Variants in SORL1 observed in about 807,000 individuals in gnomAD.
SORL1 encodes sortilin-related receptor.
SORL1 carries 127 observed loss-of-function variants against 273.7 expected under a neutral mutation model. The observed-to-expected ratio is 0.46, with a 90% CI of 0.40 to 0.54. SORL1 has a LOEUF of 0.54. SORL1 is among the 20% of genes least tolerant of loss of function. SORL1 has a pLI of 0.00. For synonymous variants in SORL1, 1,031 were observed against 1,067.4 expected, an observed-to-expected ratio of 0.97 and a Z score of 0.66; for missense variants, 2,494 against 2,846.1, an observed-to-expected ratio of 0.88 and a Z score of 2.81.
In SORL1 at chr11:121,627,281, C is replaced by G; in HGVS notation, c.6365-274C>G. The G allele has an allele frequency of 2.2e-6, 1 of 448,866 alleles. No homozygotes were observed. The highest frequency in any genetic ancestry group is 4.0e-6 in the Non-Finnish European group (1 of 248,972). 27.8% of individuals were successfully genotyped at this position (448,866 alleles called of 1,614,324 possible). On this transcript the variant is annotated intron_variant, in intron 46 of 47. Coordinates refer to ENST00000260197, the MANE Select transcript of SORL1 (RefSeq NM_003105.6). This position sits in a 1 kb window ranked among gnomAD's most constrained non-coding sequence, Gnocchi z 4.9. The stretch of plus-strand genomic sequence containing the variant: ...GATACCCCAACAAAGGTCTCCCTTC[C>G]AAGAGATTATCTAAATAACCAACAA...
At chr11:121,514,758 C>A (rs147835789) in intron 8 of SORL1, among the ~76,000 whole-genome samples, 11 of 152,186 alleles carry the variant, frequency 7.2e-5, no homozygotes, top group Admixed American at 3.3e-4. Flanking sequence ...GATAATCGGA[C>A]GGTGTTTTGT....
intron 27 of SORL1, among the ~76,000 whole-genome samples, chr11:121,587,482 A>C (rs1322529412): frequency 6.6e-6 from 1 of 152,132 alleles, no homozygotes; most frequent in Non-Finnish European, 1.5e-5. Flanking sequence ...AATTCTTTTG[A>C]GTTTAGGCCC....
At chr11:121,598,757 A>C (rs986963483) in intron 32 of SORL1, among the ~76,000 whole-genome samples, 5 of 152,190 alleles carry the variant, frequency 3.3e-5, no homozygotes, top group Admixed American at 1.3e-4. Flanking sequence ...CCTTAACTTG[A>C]AATATGAAAC....
At chr11:121,576,983 A>AAAT (rs1315503446) in intron 24 of SORL1, 1 of 1,484,372 alleles carries the variant, frequency 6.7e-7, no homozygotes, top group Non-Finnish European at 9.1e-7. Context: ...CAAGCATAGA[A>AAAT]AATAATATAT....
At chr11:121,599,692 G>C (rs1390336912) in intron 32 of SORL1, among the ~76,000 whole-genome samples, 1 of 151,778 alleles carries the variant, frequency 6.6e-6, no homozygotes, top group East Asian at 1.9e-4. Context: ...CAAAGTTAAT[G>C]CAAGTTTGCA....
At chr11:121,507,937 G>A (rs1257910110) in intron 6 of SORL1, among the ~76,000 whole-genome samples, 2 of 152,076 alleles carry the variant, frequency 1.3e-5, no homozygotes, top group African/African-American at 4.8e-5. Context: ...TGTTGTTGCT[G>A]TTTGTTGTTG....
chr11:121,526,980 C>G (rs2134864810), intron 11 of SORL1, among the ~76,000 whole-genome samples: 1 of 151,942 alleles, frequency 6.6e-6, no homozygotes, highest in East Asian at 1.9e-4. Context: ...TCTTTCCCTC[C>G]TTTCCTCCAT....
At chr11:121,610,321 G>C (rs1863543694) in intron 38 of SORL1, 1 of 152,232 alleles carries the variant, frequency 6.6e-6, no homozygotes, top group Non-Finnish European at 1.5e-5. Context: ...GGCGCTCATT[G>C]GTTGAACTGA....
At chr11:121,576,989 T>C in intron 24 of SORL1, 1 of 1,473,704 alleles carries the variant, frequency 6.8e-7, no homozygotes, top group Non-Finnish European at 9.2e-7. Flanking sequence ...TAGAAAATAA[T>C]ATATGTGGAG....
intron 8 of SORL1, 101 bp downstream of exon 8, chr11:121,514,422 C>T: frequency 2.5e-6 from 3 of 1,221,034 alleles, no homozygotes; most frequent in Non-Finnish European, 3.4e-6. Context: ...CATGTGGATA[C>T]ACCCGGGGAG....
intron 2 of SORL1, among the ~76,000 whole-genome samples, chr11:121,473,342 A>G (rs1288467439): frequency 6.6e-6 from 1 of 152,202 alleles, no homozygotes; most frequent in African/African-American, 2.4e-5. Context: ...CTTGCTCTCA[A>G]ACGGGGAAAA....
At chr11:121,475,440 G>A (rs1861249897) in intron 2 of SORL1, among the ~76,000 whole-genome samples, 1 of 152,216 alleles carries the variant, frequency 6.6e-6, no homozygotes, top group Non-Finnish European at 1.5e-5. Context: ...AAGACCCAAA[G>A]AGATGGATTT....
At chr11:121,618,517 T>A (rs1289036792) in intron 41 of SORL1, among the ~76,000 whole-genome samples, 1 of 152,176 alleles carries the variant, frequency 6.6e-6, no homozygotes, top group Admixed American at 6.5e-5. Context: ...TTATGTATGT[T>A]TTTCTTCTCT....
intron 6 of SORL1, among the ~76,000 whole-genome samples, chr11:121,502,959 T>G (rs1861734200): frequency 6.6e-6 from 1 of 152,104 alleles, no homozygotes; most frequent in Non-Finnish European, 1.5e-5. Flanking sequence ...AGCCGTGATC[T>G]TCGTGTGCTC....
At chr11:121,545,807 G>A (rs1488725830) in intron 14 of SORL1, among the ~76,000 whole-genome samples, 2 of 152,290 alleles carry the variant, frequency 1.3e-5, no homozygotes, top group Non-Finnish European at 2.9e-5. Context: ...ACGAGGGGAT[G>A]TTAGTGTGTG....
intron 3 of SORL1, among the ~76,000 whole-genome samples, chr11:121,481,664 T>C (rs11606665): frequency 0.019 from 554 of 28,544 alleles, no homozygotes; most frequent in Admixed American, 0.024. Context: ...TATAGGCAGG[T>C]TCCATCTCCT....
At chr11:121,610,528 T>C (rs1055110510) in intron 38 of SORL1, 15 of 153,014 alleles carry the variant, frequency 9.8e-5, no homozygotes, top group Non-Finnish European at 2.9e-5. Context: ...CCCAGCTCTG[T>C]GAAATGCAGA....
chr11:121,482,494 A>T (rs1166543936), intron 3 of SORL1, among the ~76,000 whole-genome samples: 1 of 152,206 alleles, frequency 6.6e-6, no homozygotes, highest in African/African-American at 2.4e-5. Flanking sequence ...CTCTGTAGAT[A>T]GTTTCTAATT....
chr11:121,562,552 C>A (rs1454765899), intron 21 of SORL1, among the ~76,000 whole-genome samples: 1 of 152,226 alleles, frequency 6.6e-6, no homozygotes, highest in Admixed American at 6.5e-5. Context: ...GCGTCTCATG[C>A]TGTTGATGCT....
Sources: gnomAD v4.1 joint callset for allele counts (sites outside exome capture counted in the v4.1 genomes callset) on GRCh38, gnomAD v4.1.1 for gene constraint, Gnocchi (gnomAD v3.1) non-coding constraint, MANE v1.5 for transcripts, NCBI Gene and HGNC (gene_info 2026-07-23, HGNC 2026-07-21) for gene names.